Variants in PTPRN2 observed in about 807,000 individuals in gnomAD.
PTPRN2 encodes the protein protein tyrosine phosphatase receptor type N2.
In PTPRN2, 74 loss-of-function variants were observed where a neutral mutation model predicts 118.8. The observed-to-expected ratio is 0.62, with a 90% CI of 0.52 to 0.76. The LOEUF is 0.76. PTPRN2 is among the 30% of genes least tolerant of loss of function. The pLI, the probability that PTPRN2 is intolerant of heterozygous loss-of-function variation, is 0.00. For synonymous variants in PTPRN2, 641 were observed against 608.0 expected, an observed-to-expected ratio of 1.05 and a Z score of -0.80; for missense variants, 1,481 against 1,394.4, an observed-to-expected ratio of 1.06 and a Z score of -0.99.
intron 12 of PTPRN2, among the ~76,000 whole-genome samples, chr7:157,828,063 A>G (rs541173468): frequency 6.6e-6 from 1 of 152,194 alleles, no homozygotes; most frequent in South Asian, 2.1e-4. Context: ...ACGGAAGTAC[A>G]TTTCGTAAGT....
intron 12 of PTPRN2, chr7:157,857,243 C>T (rs545325752): frequency 3.3e-5 from 5 of 152,326 alleles, no homozygotes; most frequent in East Asian, 3.9e-4. Context: ...GAAGCTGGGC[C>T]CGTGTGGGGC....
intron 5 of PTPRN2, among the ~76,000 whole-genome samples, chr7:158,172,537 TCAA>T (rs563698254): frequency 1.8e-3 from 255 of 145,034 alleles, no homozygotes; most frequent in African/African-American, 6.2e-3. Context: ...ACTTCCACCA[TCAA>T]CAACAGCATC....
intron 2 of PTPRN2, among the ~76,000 whole-genome samples, chr7:158,346,878 A>G (rs150616833): frequency 1.3e-5 from 2 of 152,278 alleles, no homozygotes; most frequent in Non-Finnish European, 1.5e-5. Flanking sequence ...TTTCACATAC[A>G]TGTTGGCCAT....
At chr7:158,379,591 T>C (rs1176622935) in intron 2 of PTPRN2, among the ~76,000 whole-genome samples, 1 of 150,316 alleles carries the variant, frequency 6.7e-6, no homozygotes, top group Non-Finnish European at 1.5e-5. Context: ...TCCTAAGAAA[T>C]AGCACAGACA....
At chr7:158,357,134 G>A (rs1410896421) in intron 2 of PTPRN2, among the ~76,000 whole-genome samples, 4 of 152,252 alleles carry the variant, frequency 2.6e-5, no homozygotes, top group African/African-American at 4.8e-5. Context: ...ATTTGAGGAC[G>A]GAAGAGGAAC....
chr7:158,042,730 T>C (rs1808567466), intron 11 of PTPRN2, among the ~76,000 whole-genome samples: 1 of 152,134 alleles, frequency 6.6e-6, no homozygotes, highest in Non-Finnish European at 1.5e-5. Flanking sequence ...AAGAATCCGA[T>C]GGGTGTCTGT....
At chr7:158,024,517 G>A (rs908500770) in intron 11 of PTPRN2, among the ~76,000 whole-genome samples, 2 of 152,172 alleles carry the variant, frequency 1.3e-5, no homozygotes, top group Admixed American at 6.5e-5. Flanking sequence ...CAGGGCACCC[G>A]TGCAGCTGTG....
At chr7:157,688,951 C>A (rs1038410548) in intron 12 of PTPRN2, among the ~76,000 whole-genome samples, 3 of 152,208 alleles carry the variant, frequency 2.0e-5, no homozygotes, top group Non-Finnish European at 4.4e-5. Flanking sequence ...GTATTCAGAG[C>A]CAGGAGAGGG....
intron 21 of PTPRN2, among the ~76,000 whole-genome samples, chr7:157,552,564 G>A (rs189198116): frequency 6.0e-4 from 92 of 152,294 alleles, no homozygotes; most frequent in African/African-American, 1.8e-3. Flanking sequence ...TTTAGAGCAC[G>A]CTATTTGTCT....
intron 2 of PTPRN2, among the ~76,000 whole-genome samples, chr7:158,376,044 G>T (rs1358214341): frequency 2.6e-5 from 4 of 152,188 alleles, no homozygotes; most frequent in Non-Finnish European, 5.9e-5. Context: ...CCATCTGTGG[G>T]TGGCAACTGC....
chr7:158,302,456 A>G (rs192224058), intron 3 of PTPRN2, among the ~76,000 whole-genome samples: 1 of 152,304 alleles, frequency 6.6e-6, no homozygotes, highest in Non-Finnish European at 1.5e-5. Flanking sequence ...CTTAAACTGC[A>G]TTCCAGCTCA....
chr7:158,190,955 G>A (rs1308374889), intron 5 of PTPRN2, among the ~76,000 whole-genome samples: 1 of 152,266 alleles, frequency 6.6e-6, no homozygotes, highest in Non-Finnish European at 1.5e-5. Context: ...CCTTCCCCAG[G>A]CACCACCTGC....
intron 2 of PTPRN2, among the ~76,000 whole-genome samples, chr7:158,398,518 T>A (rs1167756725): frequency 6.6e-6 from 1 of 152,242 alleles, no homozygotes; most frequent in Non-Finnish European, 1.5e-5. Flanking sequence ...ACATTCTTTG[T>A]TCTGTTATTG....
At chr7:157,979,173 ACAG>A (rs1802956726) in intron 11 of PTPRN2, among the ~76,000 whole-genome samples, 1 of 152,034 alleles carries the variant, frequency 6.6e-6, no homozygotes, top group Admixed American at 6.6e-5. Flanking sequence ...GGCCCAGTCC[ACAG>A]CAGATGGCTA....
chr7:158,420,757 G>T (rs1367252430), intron 2 of PTPRN2, among the ~76,000 whole-genome samples: 1 of 152,148 alleles, frequency 6.6e-6, no homozygotes, highest in Non-Finnish European at 1.5e-5. Context: ...GTGACTGAGT[G>T]GTTCCTGCCT....
intron 10 of PTPRN2, among the ~76,000 whole-genome samples, chr7:158,083,326 A>C (rs1353617363): frequency 6.6e-6 from 1 of 152,218 alleles, no homozygotes; most frequent in East Asian, 1.9e-4. Flanking sequence ...GAAAGTCCTC[A>C]TTAACACAAG....
rs371096686 is a variant in PTPRN2 at position 158,544,126 on chromosome 7, C to T, written c.112+43432G>A. Among the ~76,000 whole-genome samples the T allele has an allele frequency of 6.6e-6, 1 of 152,116 alleles. No individual in the cohort carries two copies. Among genetic ancestry groups the T allele is most frequent in the Non-Finnish European group, 1.5e-5 (1 of 68,020 alleles). On this transcript the variant is annotated intron_variant, in intron 1 of 22. Coordinates refer to ENST00000389418, the MANE Select transcript of PTPRN2 (RefSeq NM_002847.5). The surrounding 1 kb of genome is among the most constrained non-coding windows in gnomAD (Gnocchi z 4.2). The stretch of plus-strand genomic sequence containing the variant: ...CCCGGTGGAGGGGGATATGTACACC[C>T]GCCTGGGAGGGGCCAGAACCCAGTC...
intron 12 of PTPRN2, among the ~76,000 whole-genome samples, chr7:157,709,597 G>A (rs910270690): frequency 2.6e-5 from 4 of 152,184 alleles, no homozygotes; most frequent in African/African-American, 7.2e-5. Flanking sequence ...TGGGGACTTC[G>A]ACCTCGCTCC....
intron 12 of PTPRN2, among the ~76,000 whole-genome samples, chr7:157,884,760 G>A (rs905631677): frequency 6.6e-6 from 1 of 152,148 alleles, no homozygotes; most frequent in African/African-American, 2.4e-5. Flanking sequence ...AGAACAGCAT[G>A]GGAAAGACCA....
Sources: allele counts gnomAD v4.1 joint callset (sites outside exome capture counted in the v4.1 genomes callset), GRCh38; gene constraint gnomAD v4.1.1; non-coding constraint Gnocchi (gnomAD v3.1); transcripts MANE v1.5; gene names NCBI Gene and HGNC (gene_info 2026-07-23, HGNC 2026-07-21).